Variants in BRD10 observed in about 807,000 individuals in gnomAD.
BRD10 encodes the protein uncharacterized bromodomain-containing protein 10.
the BRD10 span, among the ~76,000 whole-genome samples, chr9:5,900,510 CCT>C: frequency 6.6e-6 from 1 of 151,974 alleles, no homozygotes; most frequent in Non-Finnish European, 1.5e-5. Flanking sequence ...TACATAATTA[CCT>C]CCCTTTCTGT....
the BRD10 span, among the ~76,000 whole-genome samples, chr9:5,907,516 G>A: frequency 2.6e-5 from 4 of 152,246 alleles, no homozygotes; most frequent in East Asian, 7.7e-4. Flanking sequence ...ATATTAGTAT[G>A]TAGAAAAGAA....
At chr9:5,937,835 T>C in the BRD10 span, among the ~76,000 whole-genome samples, 4 of 152,220 alleles carry the variant, frequency 2.6e-5, no homozygotes, top group Non-Finnish European at 5.9e-5. Flanking sequence ...TTGTGCAGAG[T>C]AGAATATGAA....
At chr9:5,995,851 G>C in the BRD10 span, among the ~76,000 whole-genome samples, 3 of 152,184 alleles carry the variant, frequency 2.0e-5, no homozygotes, top group Admixed American at 2.0e-4. Flanking sequence ...ATTTAGCAAA[G>C]AACACGCTAA....
chr9:5,943,866 A>G, the BRD10 span, among the ~76,000 whole-genome samples: 2 of 152,154 alleles, frequency 1.3e-5, no homozygotes, highest in African/African-American at 4.8e-5. Flanking sequence ...GTCACACATG[A>G]GACTTCTGAA....
the BRD10 span, chr9:5,969,345 T>C: frequency 2.5e-6 from 4 of 1,612,668 alleles, no homozygotes; most frequent in Admixed American, 5.0e-5. Flanking sequence ...TCCATACAAG[T>C]TGGAGCTGCT....
chr9:5,964,437 A>T, the BRD10 span, among the ~76,000 whole-genome samples: 7 of 150,682 alleles, frequency 4.6e-5, no homozygotes, highest in African/African-American at 1.7e-4. Context: ...GAGAAATAGG[A>T]ACACTTTTAC....
At chr9:5,933,741 G>T in the BRD10 span, 23 of 469,802 alleles carry the variant, frequency 4.9e-5, no homozygotes, top group Admixed American at 1.4e-4. Context: ...GAGTCGGGAG[G>T]GAAACTTACC....
chr9:5,892,375 G>A, the BRD10 span: 49,456 of 1,055,594 alleles, frequency 0.047, 1,653 homozygotes, highest in South Asian at 0.12. Flanking sequence ...TGAGGATGCT[G>A]TTGTGGGTCT....
At chr9:5,953,103 G>C in the BRD10 span, among the ~76,000 whole-genome samples, 5 of 152,196 alleles carry the variant, frequency 3.3e-5, no homozygotes, top group Admixed American at 6.5e-5. Context: ...TACTGAAAAT[G>C]AATGTGTCCA....
At chr9:5,995,647 T>A in the BRD10 span, among the ~76,000 whole-genome samples, 2 of 152,152 alleles carry the variant, frequency 1.3e-5, no homozygotes, top group African/African-American at 4.8e-5. Flanking sequence ...GCAAAGGGTA[T>A]TTTTCAGTTC....
the BRD10 span, among the ~76,000 whole-genome samples, chr9:5,880,471 G>A: frequency 1.1e-4 from 10 of 87,676 alleles, no homozygotes; most frequent in Non-Finnish European, 3.0e-4. Flanking sequence ...CTGAGATCCC[G>A]CCACTGCACT....
At chr9:5,977,605 T>C in the BRD10 span, among the ~76,000 whole-genome samples, 1 of 152,192 alleles carries the variant, frequency 6.6e-6, no homozygotes, top group Non-Finnish European at 1.5e-5. Context: ...CCCAGCACTT[T>C]GAGAGGCTGA....
the BRD10 span, among the ~76,000 whole-genome samples, chr9:5,888,984 A>C: frequency 1.3e-5 from 2 of 152,212 alleles, no homozygotes; most frequent in Non-Finnish European, 2.9e-5. Context: ...GTCTGAGAAG[A>C]AGCTCCAAAG....
the BRD10 span, among the ~76,000 whole-genome samples, chr9:5,993,513 G>T: frequency 6.6e-6 from 1 of 152,086 alleles, no homozygotes; most frequent in South Asian, 2.1e-4. Flanking sequence ...AATAGGAAGG[G>T]ATAGTGAAGC....
chr9:5,957,589 CTT>C, the BRD10 span, among the ~76,000 whole-genome samples: 1 of 152,028 alleles, frequency 6.6e-6, no homozygotes, highest in African/African-American at 2.4e-5. Flanking sequence ...AAGCTGTACT[CTT>C]TTTATGGTAA....
chr9:5,924,792 G>A, the BRD10 span: 2 of 1,584,178 alleles, frequency 1.3e-6, no homozygotes, highest in Non-Finnish European at 1.7e-6. Context: ...TCTATTAAAT[G>A]TATCATGATC....
the BRD10 span, among the ~76,000 whole-genome samples, chr9:5,935,413 C>A: frequency 6.6e-6 from 1 of 152,170 alleles, no homozygotes; most frequent in African/African-American, 2.4e-5. Context: ...GGTGACAGGT[C>A]ACATTCCTGG....
chr9:5,915,134 A>C, the BRD10 span, among the ~76,000 whole-genome samples: 2 of 152,312 alleles, frequency 1.3e-5, no homozygotes, highest in Admixed American at 1.3e-4. Flanking sequence ...TTATACAGTC[A>C]AAAATAAAAG....
chr9:5,927,991 T>G, the BRD10 span, among the ~76,000 whole-genome samples: 1 of 152,206 alleles, frequency 6.6e-6, no homozygotes, highest in African/African-American at 2.4e-5. Flanking sequence ...ACCAATTATA[T>G]GTCTAAAGAG....
Sources: gnomAD v4.1 joint callset for allele counts (sites outside exome capture counted in the v4.1 genomes callset) on GRCh38, gnomAD v4.1.1 for gene constraint, MANE v1.5 for transcripts, NCBI Gene and HGNC (gene_info 2026-07-23, HGNC 2026-07-21) for gene names.